MCC: variants seen among roughly 807,000 people sequenced by gnomAD.
MCC encodes the protein colorectal mutant cancer protein.
In MCC, 90 loss-of-function variants were observed where a neutral mutation model predicts 116.2. The ratio of observed to expected loss-of-function variants is 0.77; its 90% CI spans 0.65 to 0.92. The LOEUF (loss-of-function observed/expected upper bound fraction) is 0.92, where lower values mean the gene tolerates loss of function less well. Ranked by LOEUF, MCC falls within the 40% of genes least tolerant of loss-of-function variation. The pLI is 0.00. For synonymous variants in MCC, 578 were observed against 510.5 expected, an observed-to-expected ratio of 1.13 and a Z score of -1.78; for missense variants, 1,516 against 1,312.2, an observed-to-expected ratio of 1.16 and a Z score of -2.40.
intron 2 of MCC, among the ~76,000 whole-genome samples, chr5:113,353,644 G>C (rs1768337356): frequency 3.3e-5 from 5 of 152,130 alleles, no homozygotes; most frequent in Admixed American, 2.6e-4. Context: ...ATTCAATCTG[G>C]TCTAGAGGGT....
intron 2 of MCC, among the ~76,000 whole-genome samples, chr5:113,345,694 T>C (rs1477494227): frequency 1.3e-5 from 2 of 152,168 alleles, no homozygotes; most frequent in Non-Finnish European, 2.9e-5. Flanking sequence ...GTCTGAAAAA[T>C]ACACAGTATT....
At chr5:113,241,721 C>G (rs951029600) in intron 3 of MCC, among the ~76,000 whole-genome samples, 7 of 152,186 alleles carry the variant, frequency 4.6e-5, no homozygotes, top group African/African-American at 1.7e-4. Flanking sequence ...TACATGAAAG[C>G]ATGTAATCTG....
intron 1 of MCC, among the ~76,000 whole-genome samples, chr5:113,480,392 C>T (rs1181254317): frequency 6.6e-6 from 1 of 152,230 alleles, no homozygotes; most frequent in Non-Finnish European, 1.5e-5. Context: ...TTCAAAACTT[C>T]TAAGATGCAC....
chr5:113,424,132 TACACAC>T (rs547192248), intron 1 of MCC, among the ~76,000 whole-genome samples: 4,601 of 112,604 alleles, frequency 0.041, 125 homozygotes, highest in African/African-American at 0.093. Context: ...AGTCATCCTC[TACACAC>T]ACACACACAC....
At chr5:113,430,734 T>TA (rs1770612262) in intron 1 of MCC, among the ~76,000 whole-genome samples, 1 of 151,758 alleles carries the variant, frequency 6.6e-6, no homozygotes, top group South Asian at 2.1e-4. Context: ...ATGTGAAAAA[T>TA]AGAGATGACA....
At chr5:113,352,664 G>A (rs1321524001) in intron 2 of MCC, among the ~76,000 whole-genome samples, 3 of 139,764 alleles carry the variant, frequency 2.1e-5, no homozygotes, top group Non-Finnish European at 3.1e-5. Flanking sequence ...GCATCAGCAC[G>A]GGGGGCAGTG....
intron 2 of MCC, among the ~76,000 whole-genome samples, chr5:113,341,984 A>AC (rs937655270): frequency 2.1e-5 from 3 of 142,626 alleles, no homozygotes; most frequent in East Asian, 2.1e-4. Flanking sequence ...TTTATCCCTC[A>AC]CCCCCCCACT....
intron 3 of MCC, among the ~76,000 whole-genome samples, chr5:113,267,577 A>C (rs1413479212): frequency 6.6e-6 from 1 of 152,178 alleles, no homozygotes; most frequent in Non-Finnish European, 1.5e-5. Flanking sequence ...GCCAAACCAA[A>C]ATCCAGCAAC....
At chr5:113,150,183 G>C (rs1273979622) in intron 4 of MCC, among the ~76,000 whole-genome samples, 3 of 152,272 alleles carry the variant, frequency 2.0e-5, no homozygotes, top group Middle Eastern at 3.4e-3. Flanking sequence ...AAAAGGAACA[G>C]AGCCAGACAG....
intron 3 of MCC, among the ~76,000 whole-genome samples, chr5:113,225,155 CAT>C (rs756218841): frequency 4.1e-4 from 62 of 152,352 alleles, no homozygotes; most frequent in Non-Finnish European, 7.8e-4. Flanking sequence ...CAGATTCTTA[CAT>C]AGAGTCAAAG....
At chr5:113,214,321 T>G (rs894627205) in intron 3 of MCC, among the ~76,000 whole-genome samples, 2 of 152,218 alleles carry the variant, frequency 1.3e-5, no homozygotes, top group Admixed American at 6.5e-5. Context: ...TGCTCAGTCC[T>G]CTGCCCAGAG....
At chr5:113,086,381 G>C (rs904230588) in intron 8 of MCC, among the ~76,000 whole-genome samples, 3 of 152,186 alleles carry the variant, frequency 2.0e-5, no homozygotes, top group African/African-American at 4.8e-5. Flanking sequence ...TGTTTTAGCA[G>C]AAGTGTCTGT....
intron 2 of MCC, among the ~76,000 whole-genome samples, chr5:113,347,421 G>C (rs1028082427): frequency 1.3e-5 from 2 of 151,934 alleles, no homozygotes; most frequent in African/African-American, 4.8e-5. Flanking sequence ...GTTGTTATCA[G>C]TTAAAAATAA....
chr5:113,191,549 G>C (rs912588950), intron 3 of MCC, among the ~76,000 whole-genome samples: 2 of 152,274 alleles, frequency 1.3e-5, no homozygotes, highest in Non-Finnish European at 2.9e-5. Context: ...GGAGAAACAG[G>C]AGTGCAAGGG....
chr5:113,295,045 G>A (rs1581379594), intron 3 of MCC: 2 of 710,944 alleles, frequency 2.8e-6, no homozygotes, highest in East Asian at 2.7e-4. Context: ...TGGAGGCCGA[G>A]CAGAGGAGAC....
chr5:113,153,843 G>C (rs10478112), intron 3 of MCC, among the ~76,000 whole-genome samples: 18,576 of 152,138 alleles, frequency 0.12, 1,519 homozygotes, highest in African/African-American at 0.23. Context: ...TGATGTCCCC[G>C]ACTCCATAAC....
intron 3 of MCC, among the ~76,000 whole-genome samples, chr5:113,245,016 G>A (rs867232581): frequency 6.6e-6 from 1 of 152,216 alleles, no homozygotes; most frequent in Non-Finnish European, 1.5e-5. Flanking sequence ...CATTCGGGTA[G>A]CTTTTGCTTC....
At chr5:113,460,067 C>A (rs1447138854) in intron 1 of MCC, among the ~76,000 whole-genome samples, 1 of 152,134 alleles carries the variant, frequency 6.6e-6, no homozygotes, top group African/African-American at 2.4e-5. Flanking sequence ...TAAGAAGAGT[C>A]CCTTGTATGA....
intron 18 of MCC, 50 bp from the exon 19 acceptor site, chr5:113,027,532 T>G: frequency 6.5e-7 from 1 of 1,537,374 alleles, no homozygotes; most frequent in African/African-American, 1.4e-5. Flanking sequence ...CTAAGTAGCA[T>G]CGTGACACCA....
Sources: gnomAD v4.1 joint callset for allele counts (sites outside exome capture counted in the v4.1 genomes callset) on GRCh38, gnomAD v4.1.1 for gene constraint, MANE v1.5 for transcripts, NCBI Gene and HGNC (gene_info 2026-07-23, HGNC 2026-07-21) for gene names.